Variants in PIH1D2 observed in about 807,000 individuals in gnomAD.
The protein encoded by PIH1D2 is PIH1 domain-containing protein 2.
Under a neutral mutation model 31.2 loss-of-function variants are expected in PIH1D2, and 25 were observed. That is an observed-to-expected ratio of 0.80 (90% CI 0.58 to 1.12). The LOEUF (loss-of-function observed/expected upper bound fraction) is 1.12, where lower values mean the gene tolerates loss of function less well. Among genes scored for constraint, PIH1D2 ranks in the 50% most tolerant of loss-of-function variants. The pLI is 0.00. For missense variants in PIH1D2, 310 were observed against 356.6 expected (o/e 0.87, Z 1.05); for synonymous variants, 116 against 119.9 (o/e 0.97, Z 0.21).
downstream of PIH1D2, chr11:112,064,057 A>G (rs587705788): frequency 5.8e-5 from 53 of 913,524 alleles, no homozygotes; most frequent in South Asian, 8.5e-4. Flanking sequence ...TGAAAACAAT[A>G]CATTAATTTG....
the PIH1D2 span, among the ~76,000 whole-genome samples, chr11:112,054,217 G>A: frequency 6.6e-6 from 1 of 152,116 alleles, no homozygotes; most frequent in Non-Finnish European, 1.5e-5. Flanking sequence ...TCAGGAGGCT[G>A]AGGCAGGAGA....
chr11:112,064,462 A>G (rs587658764), downstream of PIH1D2: 1 of 458,024 alleles, frequency 2.2e-6, no homozygotes, highest in East Asian at 3.7e-5. Flanking sequence ...AGGGACAGCC[A>G]TGTATGTATA....
downstream of PIH1D2, among the ~76,000 whole-genome samples, chr11:112,066,187 T>G (rs73568062): frequency 0.042 from 6,364 of 152,222 alleles, 352 homozygotes; most frequent in African/African-American, 0.12. Context: ...ATGTTTAAAG[T>G]CTGCATATAG....
chr11:112,064,234 TAA>T, downstream of PIH1D2: 5 of 1,550,320 alleles, frequency 3.2e-6, no homozygotes, highest in Non-Finnish European at 4.3e-6. Flanking sequence ...TGAAAAAAAA[TAA>T]AAACAGTTGC....
rs190247037 is a variant in PIH1D2 at position 112,072,042 on chromosome 11, A to G, written c.178-284T>C. ...CAGGAGGCGGAGGTTGCAGTGAGCC[A>G]AGATTGTGCCATTGCACTCCTGCCC... On this transcript the variant is annotated intron_variant, in intron 2 of 5. Transcript: ENST00000280350. Among the ~76,000 whole-genome samples the G allele has an allele frequency of 9.9e-3, 1,512 of 152,134 alleles. 18 individuals carry two copies. The highest frequency in any genetic ancestry group is 0.034 in the African/African-American group (1,403 of 41,494).
chr11:112,060,680 G>A (rs1864543066), downstream of PIH1D2, among the ~76,000 whole-genome samples: 2 of 151,962 alleles, frequency 1.3e-5, no homozygotes, highest in Non-Finnish European at 2.9e-5. Context: ...TGGCCAGGCT[G>A]GTTTCAAACT....
At chr11:112,056,165 G>T in the PIH1D2 span, among the ~76,000 whole-genome samples, 1 of 151,824 alleles carries the variant, frequency 6.6e-6, no homozygotes, top group Non-Finnish European at 1.5e-5. Context: ...GTGCCTGGCC[G>T]CATGTAGACA....
At chr11:112,060,494 A>G (rs912531347), downstream of PIH1D2, among the ~76,000 whole-genome samples, 3 of 151,878 alleles carry the variant, frequency 2.0e-5, no homozygotes, top group Admixed American at 6.6e-5. Context: ...CACTCTTGTC[A>G]CCCAGGTTGG....
chr11:112,061,337 A>G (rs1449409763), downstream of PIH1D2: 4 of 708,240 alleles, frequency 5.6e-6, no homozygotes, highest in African/African-American at 5.3e-5. Flanking sequence ...CATATAACCT[A>G]CACACATTAT....
downstream of PIH1D2, chr11:112,059,900 C>T: frequency 1.3e-6 from 2 of 1,595,198 alleles, no homozygotes; most frequent in Middle Eastern, 3.4e-4. Context: ...TCTTTTTAAA[C>T]AGAAATCATG....
the PIH1D2 span, among the ~76,000 whole-genome samples, chr11:112,052,771 C>G: frequency 1.6e-4 from 25 of 152,080 alleles, no homozygotes; most frequent in African/African-American, 6.0e-4. Flanking sequence ...CTCCCCTTTC[C>G]CTTAGGTCAG....
downstream of PIH1D2, among the ~76,000 whole-genome samples, chr11:112,062,228 G>A (rs587607594): frequency 9.2e-5 from 14 of 152,272 alleles, no homozygotes; most frequent in South Asian, 1.2e-3. Flanking sequence ...CCATACTCCA[G>A]GTATCTGGTC....
intron 2 of PIH1D2, 92 bp downstream of exon 2, chr11:112,072,906 A>C: frequency 1.6e-6 from 2 of 1,289,084 alleles, no homozygotes; most frequent in Non-Finnish European, 2.1e-6. Context: ...AAAACAAAAA[A>C]AATTAGCAAT....
chr11:112,062,266 A>AT, downstream of PIH1D2: 1 of 884,522 alleles, frequency 1.1e-6, no homozygotes, highest in Non-Finnish European at 1.7e-6. Context: ...AATTTGAGCT[A>AT]AAGGTATAGG....
chr11:112,072,827 G>T, intron 2 of PIH1D2, 171 bp downstream of exon 2: 1 of 685,368 alleles, frequency 1.5e-6, no homozygotes, highest in Non-Finnish European at 2.3e-6. Context: ...CCACACCATT[G>T]CACTCCAGCC....
At chr11:112,067,049 C>T (rs138066277), downstream of PIH1D2, among the ~76,000 whole-genome samples, 4 of 151,984 alleles carry the variant, frequency 2.6e-5, no homozygotes, top group East Asian at 1.9e-4. Flanking sequence ...GGCAACACAG[C>T]GAGACTCAGT....
downstream of PIH1D2, among the ~76,000 whole-genome samples, chr11:112,067,493 G>A (rs769471519): frequency 8.7e-5 from 13 of 148,694 alleles, no homozygotes; most frequent in East Asian, 4.0e-4. Flanking sequence ...GTGAAACCCC[G>A]TCTCTACTAA....
At chr11:112,069,615 A>G (rs1865048398) in intron 5 of PIH1D2, 3 of 151,478 alleles carry the variant, frequency 2.0e-5, no homozygotes. Flanking sequence ...TGGGAAAGGG[A>G]AAAAAAAAGA....
chr11:112,056,293 T>C, the PIH1D2 span, among the ~76,000 whole-genome samples: 2 of 152,346 alleles, frequency 1.3e-5, no homozygotes, highest in African/African-American at 4.8e-5. Context: ...AATCTAATTT[T>C]AGAAATTTTC....
Sources: allele counts gnomAD v4.1 joint callset (sites outside exome capture counted in the v4.1 genomes callset), GRCh38; gene constraint gnomAD v4.1.1; transcripts MANE v1.5; gene names NCBI Gene and HGNC (gene_info 2026-07-23, HGNC 2026-07-21).